Variants in CASP6 observed in about 807,000 individuals in gnomAD.
CASP6 encodes caspase-6.
In CASP6, 20 loss-of-function variants were observed where a neutral mutation model predicts 31.8. That is an observed-to-expected ratio of 0.63 (90% CI 0.44 to 0.91). The LOEUF (loss-of-function observed/expected upper bound fraction) is 0.91, where lower values mean the gene tolerates loss of function less well. Ranked by LOEUF, CASP6 falls within the 40% of genes least tolerant of loss-of-function variation. The probability of loss-of-function intolerance (pLI) is 0.00; values close to 1 mark genes in which losing one functional copy is unlikely to be tolerated. For missense variants in CASP6, 328 were observed against 361.1 expected (o/e 0.91, Z 0.74); for synonymous variants, 130 against 127.8 (o/e 1.02, Z -0.12).
the CASP6 span, among the ~76,000 whole-genome samples, chr4:109,666,603 G>C: frequency 2.6e-5 from 4 of 152,144 alleles, no homozygotes; most frequent in Non-Finnish European, 4.4e-5. Flanking sequence ...TTGTTGAGGT[G>C]TCTTTTCAGA....
At chr4:109,684,830 T>C (rs1729800402), downstream of CASP6, 2 of 514,588 alleles carry the variant, frequency 3.9e-6, no homozygotes, top group Non-Finnish European at 6.8e-6. Context: ...AAATTATATA[T>C]AACTTCTTTG....
the CASP6 span, among the ~76,000 whole-genome samples, chr4:109,674,612 A>G: frequency 2.6e-5 from 4 of 152,372 alleles, no homozygotes; most frequent in South Asian, 4.1e-4. Context: ...CCCACAATTG[A>G]CAATATATGT....
intron 1 of CASP6, among the ~76,000 whole-genome samples, chr4:109,700,541 T>C (rs1730388483): frequency 1.3e-5 from 2 of 152,168 alleles, no homozygotes; most frequent in Admixed American, 1.3e-4. Flanking sequence ...TCTTAATACA[T>C]TCAGTTTCAA....
chr4:109,678,754 G>A, the CASP6 span, among the ~76,000 whole-genome samples: 6,206 of 144,912 alleles, frequency 0.043, 476 homozygotes, highest in African/African-American at 0.15. Context: ...CGGGGCGGCC[G>A]GGCAGAGGTG....
chr4:109,678,425 C>T, the CASP6 span, among the ~76,000 whole-genome samples: 1 of 150,054 alleles, frequency 6.7e-6, no homozygotes, highest in Admixed American at 6.6e-5. Context: ...GCGCTCCTCA[C>T]TTCCCAGATG....
Position 109,689,239 on chromosome 4 carries a change from C to T in CASP6, c.*91G>A. On this transcript the variant is annotated 3_prime_UTR_variant, in exon 7 of 7. Coordinates refer to ENST00000265164, the MANE Select transcript of CASP6 (RefSeq NM_001226.4). ...CAGGTGATCCGCCCACCTTGGACTC[C>T]CAAAGTGCTGGGATTACAGGTGTGA... is the stretch of plus-strand genomic sequence containing the variant. 2.4e-6 allele frequency: 3 copies of T among 1,262,222 alleles called. No homozygotes were observed. In the South Asian group the frequency reaches 4.0e-5, roughly 17 times the overall value. 78.2% of individuals were successfully genotyped at this position (1,262,222 alleles called of 1,614,324 possible). A position where few individuals can be genotyped will look rare whatever the true frequency, so the allele number is the denominator to read the frequency against.
chr4:109,699,975 T>C (rs1219039244), intron 1 of CASP6, among the ~76,000 whole-genome samples: 3 of 152,228 alleles, frequency 2.0e-5, no homozygotes, highest in African/African-American at 7.2e-5. Flanking sequence ...GCCAAAATTC[T>C]GCACAACTTG....
chr4:109,670,846 C>T, the CASP6 span, among the ~76,000 whole-genome samples: 1 of 151,982 alleles, frequency 6.6e-6, no homozygotes, highest in South Asian at 2.1e-4. Flanking sequence ...TAGTAGAGCT[C>T]CTAGAAGTGA....
chr4:109,685,258 C>A, downstream of CASP6: 5 of 1,327,340 alleles, frequency 3.8e-6, no homozygotes, highest in South Asian at 1.2e-5. Flanking sequence ...AAGGATTATA[C>A]TTACTCAGCT....
chr4:109,682,480 A>G, the CASP6 span: 1 of 918,464 alleles, frequency 1.1e-6, no homozygotes. Flanking sequence ...TACCCTGTGG[A>G]TCCTAAGATA....
At chr4:109,693,550 G>A (rs1730140459) in intron 5 of CASP6, among the ~76,000 whole-genome samples, 1 of 151,886 alleles carries the variant, frequency 6.6e-6, no homozygotes, top group Non-Finnish European at 1.5e-5. Context: ...AGCCAGCCAT[G>A]ATGGCAGGTG....
intron 3 of CASP6, 126 bp from the exon 4 acceptor site, chr4:109,696,612 G>A: frequency 3.4e-6 from 2 of 594,302 alleles, no homozygotes; most frequent in East Asian, 2.8e-5. Flanking sequence ...GAAAAGAAAT[G>A]AAATATAACA....
Position 109,694,646 on chromosome 4 carries a change from T to C in CASP6, c.362A>G (p.His121Arg). The C allele has an allele frequency of 6.2e-7, 1 of 1,612,690 alleles. No homozygotes were observed. ...ADCFVCVFLS[H>R]GEGNHIYAYD... ...TGCATAAATGTGATTGCCTTCGCCA[T>C]GGCTCAGGAAGACACACACAAAGCA... Residue 121 changes from histidine to arginine, a missense_variant, in exon 5 of 7, where the codon CAT becomes CGT. Coordinates refer to ENST00000265164, the MANE Select transcript of CASP6 (RefSeq NM_001226.4).
At chr4:109,702,157 G>A (rs1287835381) in intron 1 of CASP6, among the ~76,000 whole-genome samples, 1 of 152,188 alleles carries the variant, frequency 6.6e-6, no homozygotes, top group African/African-American at 2.4e-5. Flanking sequence ...CCCGCCCCTA[G>A]AGACTGCAAC....
chr4:109,676,173 G>T, the CASP6 span, among the ~76,000 whole-genome samples: 193 of 152,322 alleles, frequency 1.3e-3, 3 homozygotes, highest in Non-Finnish European at 2.0e-3. Flanking sequence ...GGGCTCGGAA[G>T]AGAATAGCTG....
Position 109,695,391 on chromosome 4 carries a change from G to T in CASP6, c.308-691C>A, listed in dbSNP as rs78564949. Among the ~76,000 whole-genome samples the T allele has an allele frequency of 9.7e-3, 1,471 of 152,210 alleles. 22 individuals are homozygous for T. The highest frequency in any genetic ancestry group is 0.033 in the African/African-American group (1,384 of 41,530). ...TTTCCTTGAATCAGCAGAGACCTTA[G>T]AGCAGAGTGGAAAGACCCAGAAACT... On this transcript the variant is annotated intron_variant, in intron 4 of 6. Coordinates refer to ENST00000265164, the MANE Select transcript of CASP6 (RefSeq NM_001226.4).
intron 4 of CASP6, among the ~76,000 whole-genome samples, chr4:109,695,820 G>A (rs903253717): frequency 1.9e-4 from 29 of 151,832 alleles, no homozygotes; most frequent in African/African-American, 6.3e-4. Flanking sequence ...TGAGACTGAT[G>A]TCCTCCAAAG....
At position 109,697,652 on chromosome 4, in the gene CASP6, G is replaced by A; in HGVS notation, c.200C>T (p.Thr67Ile). 6.2e-7 allele frequency: 1 copy of A among 1,613,010 alleles called. No individual in the cohort carries two copies. Among genetic ancestry groups the A allele is most frequent in the East Asian group, 2.2e-5 (1 of 44,838 alleles). ...GGTAAGATTGTCTCTATCTGCGCAG[G>A]TGCCCCGCCTTTCTGGCAGTGTTAA... The part of the protein sequence containing the change: ...WHLTLPERRG[T>I]CADRDNLTRR... The change falls in exon 3 of 7, where the codon ACC becomes ATC. Residue 67 changes from threonine to isoleucine, a missense_variant. By Grantham distance (89) the Thr-to-Ile change is moderately conservative. Coordinates refer to ENST00000265164, the MANE Select transcript of CASP6 (RefSeq NM_001226.4).
chr4:109,697,071 C>T (rs2126159452), intron 3 of CASP6, among the ~76,000 whole-genome samples: 1 of 152,190 alleles, frequency 6.6e-6, no homozygotes, highest in South Asian at 2.1e-4. Context: ...CAGGAGTGAG[C>T]CACCATGCCC....
Sources: gnomAD v4.1 joint callset for allele counts (sites outside exome capture counted in the v4.1 genomes callset) on GRCh38, gnomAD v4.1.1 for gene constraint, MANE v1.5 for transcripts, NCBI Gene and HGNC (gene_info 2026-07-23, HGNC 2026-07-21) for gene names.